The following PCNX1 variants were observed in gnomAD, a reference collection of about 807,000 sequenced individuals.
PCNX1 encodes pecanex 1, also known as pecanex-like protein 1.
In PCNX1, 78 loss-of-function variants were observed where a neutral mutation model predicts 242.2. The ratio of observed to expected loss-of-function variants is 0.32; its 90% CI spans 0.27 to 0.39. PCNX1 has a LOEUF of 0.39. PCNX1 is among the 10% of genes least tolerant of loss of function. The pLI, the probability that PCNX1 is intolerant of heterozygous loss-of-function variation, is 1.00. For missense variants in PCNX1, 2,581 were observed against 2,856.5 expected (o/e 0.90, Z 2.20); for synonymous variants, 1,024 against 1,032.9 (o/e 0.99, Z 0.17).
chr14:70,988,872 C>G (rs1013021805), intron 7 of PCNX1, among the ~76,000 whole-genome samples, 173 bp downstream of exon 7: 2 of 152,064 alleles, frequency 1.3e-5, no homozygotes, highest in African/African-American at 4.8e-5. Context: ...GAGCCTGTTG[C>G]ATTATGCATG....
At chr14:71,021,394 A>G (rs1011386322) in intron 12 of PCNX1, among the ~76,000 whole-genome samples, 8 of 152,192 alleles carry the variant, frequency 5.3e-5, no homozygotes, top group African/African-American at 1.2e-4. Flanking sequence ...ATCCATGAGC[A>G]TGGAATGTTT....
intron 1 of PCNX1, among the ~76,000 whole-genome samples, chr14:70,931,496 G>A (rs2056797855): frequency 7.3e-6 from 1 of 137,584 alleles, no homozygotes; most frequent in South Asian, 2.5e-4. Context: ...CAGATATACT[G>A]ATGGATGGAA....
At chr14:71,012,852 G>T (rs2140579386) in intron 10 of PCNX1, 133 bp from the exon 11 acceptor site, 3 of 639,112 alleles carry the variant, frequency 4.7e-6, no homozygotes, top group Non-Finnish European at 5.4e-6. Context: ...TATGAGAGAA[G>T]AAAATTAAAG....
At chr14:70,982,132 T>G (rs1317866676) in intron 6 of PCNX1, among the ~76,000 whole-genome samples, 1 of 152,196 alleles carries the variant, frequency 6.6e-6, no homozygotes, top group Non-Finnish European at 1.5e-5. Flanking sequence ...AAATTGAAGG[T>G]GTGTTATTTT....
At chr14:71,073,057 A>G (rs890879292) in intron 26 of PCNX1, among the ~76,000 whole-genome samples, 1 of 152,242 alleles carries the variant, frequency 6.6e-6, no homozygotes, top group African/African-American at 2.4e-5. Context: ...TAATCTCAGC[A>G]CTTTGGAAGC....
chr14:70,907,683 T>A lies in PCNX1; in HGVS notation c.-168T>A. The A allele has an allele frequency of 1.3e-6, 1 of 763,924 alleles. No individual in the cohort carries two copies. The highest frequency in any genetic ancestry group is 1.9e-5 in the African/African-American group (1 of 53,624). The allele number at this position is 763,924 out of a possible 1,614,324, so 47.3% of individuals were successfully genotyped here. A position where few individuals can be genotyped will look rare whatever the true frequency, so the allele number is the denominator to read the frequency against. On this transcript the variant is annotated 5_prime_UTR_variant, in exon 1 of 36. Coordinates refer to ENST00000304743, the MANE Select transcript of PCNX1 (RefSeq NM_014982.3). Reference sequence around the variant, plus strand: ...CTCCTCCTCCTCGTTTGCTGCCTCCTCCTCCTCCTGCAGCAGCACCAGCGA... The same window carrying A: ...CTCCTCCTCCTCGTTTGCTGCCTCCACCTCCTCCTGCAGCAGCACCAGCGA...
chr14:71,095,150 T>C (rs572881241), intron 30 of PCNX1, among the ~76,000 whole-genome samples: 3 of 152,210 alleles, frequency 2.0e-5, no homozygotes, highest in Admixed American at 2.0e-4. Flanking sequence ...TAAAATATCT[T>C]TCCTCCTTAT....
At position 71,055,492 on chromosome 14, in the gene PCNX1, T is replaced by C; in HGVS notation, c.4578-12T>C. On this transcript the variant is annotated splice_polypyrimidine_tract_variant and intron_variant, in intron 24 of 35. Transcript: ENST00000304743. ...GTAAAGAAAGTTACTAAAAATGTTT[T>C]ATTTTCTTTAGCACAAAACGAGTGG... 2 of 1,563,308 alleles carry C rather than the reference T, an allele frequency of 1.3e-6. No individual in the cohort carries two copies. The highest frequency in any genetic ancestry group is 1.8e-6 in the Non-Finnish European group (2 of 1,138,326).
intron 7 of PCNX1, among the ~76,000 whole-genome samples, chr14:70,993,124 A>ATTT (rs5809506): frequency 5.5e-5 from 8 of 145,926 alleles, no homozygotes; most frequent in Admixed American, 2.7e-4. Flanking sequence ...ATCTAAATTA[A>ATTT]TTTTTTTTTT....
chr14:70,915,998 GA>G (rs2056138440), intron 1 of PCNX1, among the ~76,000 whole-genome samples: 1 of 152,138 alleles, frequency 6.6e-6, no homozygotes, highest in Non-Finnish European at 1.5e-5. Context: ...CAGTTCATGG[GA>G]AAAGTTGAGG....
At chr14:70,914,718 T>C (rs983256089) in intron 1 of PCNX1, among the ~76,000 whole-genome samples, 2 of 152,234 alleles carry the variant, frequency 1.3e-5, no homozygotes, top group African/African-American at 4.8e-5. Flanking sequence ...TATTCCTCTA[T>C]CTGTCCACCC....
At chr14:71,025,019 A>G (rs1353985419) in intron 13 of PCNX1, among the ~76,000 whole-genome samples, 1 of 152,178 alleles carries the variant, frequency 6.6e-6, no homozygotes, top group African/African-American at 2.4e-5. Context: ...ATAAATTTCT[A>G]TCCGATTGTT....
chr14:71,003,080 CTT>C (rs3083307), intron 8 of PCNX1, among the ~76,000 whole-genome samples: 9 of 95,470 alleles, frequency 9.4e-5, no homozygotes, highest in South Asian at 3.6e-4. Flanking sequence ...TGGTTGTCTT[CTT>C]TTTTTTTTTT....
At chr14:71,088,166 A>T (rs2062040121) in intron 28 of PCNX1, among the ~76,000 whole-genome samples, 164 bp from the exon 29 acceptor site, 1 of 152,194 alleles carries the variant, frequency 6.6e-6, no homozygotes, top group Non-Finnish European at 1.5e-5. Flanking sequence ...AACTCCCCAT[A>T]CACATTCATG....
intron 8 of PCNX1, among the ~76,000 whole-genome samples, chr14:71,007,751 C>T (rs1566690410): frequency 6.6e-6 from 1 of 151,908 alleles, no homozygotes. Context: ...TTAAAAACTG[C>T]AATTAAAATT....
chr14:71,038,657 A>G (rs1166720452), intron 19 of PCNX1, among the ~76,000 whole-genome samples: 2 of 150,952 alleles, frequency 1.3e-5, no homozygotes, highest in East Asian at 1.9e-4. Context: ...TGTGGAAGTC[A>G]GTGTGGCGAT....
chr14:71,070,590 G>A (rs2061563186), intron 26 of PCNX1, among the ~76,000 whole-genome samples: 1 of 152,224 alleles, frequency 6.6e-6, no homozygotes, highest in South Asian at 2.1e-4. Context: ...CATTGTCAAT[G>A]AGTAGTAATA....
At chr14:70,947,898 G>A (rs1180990865) in intron 2 of PCNX1, among the ~76,000 whole-genome samples, 2 of 152,168 alleles carry the variant, frequency 1.3e-5, no homozygotes, top group Non-Finnish European at 2.9e-5. Flanking sequence ...ATTCCCAGGG[G>A]GAGGCCTCTA....
chr14:71,075,586 G>A (rs2061697096), intron 27 of PCNX1, among the ~76,000 whole-genome samples: 1 of 152,000 alleles, frequency 6.6e-6, no homozygotes, highest in African/African-American at 2.4e-5. Context: ...AATATCCTAA[G>A]TTCAAAATCT....
Sources: allele counts gnomAD v4.1 joint callset (sites outside exome capture counted in the v4.1 genomes callset), GRCh38; gene constraint gnomAD v4.1.1; transcripts MANE v1.5; gene names NCBI Gene and HGNC (gene_info 2026-07-23, HGNC 2026-07-21).